The following CLN8 variants were observed in gnomAD, a reference collection of about 807,000 sequenced individuals.
The protein encoded by CLN8 is CLN8 transmembrane ER and ERGIC protein.
Under a neutral mutation model 15.7 loss-of-function variants are expected in CLN8, and 14 were observed. The observed-to-expected ratio is 0.89, with a 90% CI of 0.59 to 1.39. CLN8 has a LOEUF of 1.39. Among genes scored for constraint, CLN8 ranks in the 40% most tolerant of loss-of-function variants. The pLI is 0.00. For missense variants in CLN8, 415 were observed against 364.0 expected (o/e 1.14, Z -1.14); for synonymous variants, 188 against 151.0 (o/e 1.25, Z -1.80).
rs1801671671 is a variant in CLN8 at position 1,780,277 on chromosome 8, A to C, written c.571A>C (p.Lys191Gln). The C allele has an allele frequency of 6.2e-7, 1 of 1,614,222 alleles. No homozygotes were observed. Among genetic ancestry groups the C allele is most frequent in the Non-Finnish European group, 8.5e-7 (1 of 1,180,042 alleles). Residue 191 changes from lysine (K) to glutamine (Q), a missense_variant, in exon 3 of 3, where the codon AAG (lysine) becomes CAG (glutamine). Coordinates refer to ENST00000331222, the MANE Select transcript of CLN8 (RefSeq NM_018941.4). ...GGGCTGGTCCGAGTCTCTGTTTTGG[A>C]AGCTCAACCAGTGGCTGATGATTCA... ...KAGWSESLFW[K>Q]LNQWLMIHMF... is the part of the protein sequence containing the mutation.
In CLN8 at chr8:1,780,800, C is replaced by G; in HGVS notation, c.*233C>G. The G allele has an allele frequency of 1.7e-6, 1 of 582,976 alleles. No homozygotes were observed. The allele number at this position is 582,976 out of a possible 1,614,324, so 36.1% of individuals were successfully genotyped here. ...CTCTGTCAGTTTAGCCGCGCCGGAC[C>G]GTGTCAAGCATCTAGGAGAGGAGTC... On this transcript the variant is annotated 3_prime_UTR_variant, in exon 3 of 3. Coordinates refer to ENST00000331222, the MANE Select transcript of CLN8 (RefSeq NM_018941.4).
intron 1 of CLN8, among the ~76,000 whole-genome samples, chr8:1,766,581 C>G (rs1484605048): frequency 6.6e-6 from 1 of 151,818 alleles, no homozygotes; most frequent in Non-Finnish European, 1.5e-5. Flanking sequence ...TTAGTAGAGA[C>G]AAGGTTTCAC....
In CLN8 at chr8:1,771,417, C is replaced by A. The variant is rs568852954; in HGVS notation, c.363C>A (p.Val121=). 8.9e-5 allele frequency: 144 copies of A among 1,614,186 alleles called. 2 individuals carry two copies. The South Asian group carries it at 1.5e-3, about 16-fold the overall frequency. Residue 121 remains valine (V), a synonymous_variant, in exon 2 of 3, where the codon GTC becomes GTA. Coordinates refer to ENST00000331222, the MANE Select transcript of CLN8 (RefSeq NM_018941.4). ...TCTTTTGCTTTGAAAATGTTGCAGT[C>A]CACCTGTCCAACTTGATCTTCCGGA... ...TGFFCFENVA[V]HLSNLIFRTF...
rs1450867136 is a variant in CLN8 at position 1,771,288 on chromosome 8, A to G, written c.234A>G (p.Thr78=). The G allele has an allele frequency of 6.2e-7, 1 of 1,614,194 alleles. No individual in the cohort carries two copies. Among genetic ancestry groups the G allele is most frequent in the Admixed American group, 1.7e-5 (1 of 60,030 alleles). ...GTGCAGTCTTTGGTGTTCAGAGCAC[A>G]GCCGCAGGCCTGTGGGCTCTGCTGG... ...ATRAVFGVQS[T]AAGLWALLGD... The change falls in exon 2 of 3, where the codon ACA becomes ACG. Residue 78 remains threonine (T), a synonymous_variant. Coordinates refer to ENST00000331222, the MANE Select transcript of CLN8 (RefSeq NM_018941.4).
At chr8:1,777,997 G>A (rs775688825) in intron 2 of CLN8, among the ~76,000 whole-genome samples, 1 of 152,242 alleles carries the variant, frequency 6.6e-6, no homozygotes, top group Non-Finnish European at 1.5e-5. Context: ...CTGAGCCCTG[G>A]GCACTGCTGT....
chr8:1,770,166 C>T (rs1056040114), intron 1 of CLN8, among the ~76,000 whole-genome samples: 1 of 152,320 alleles, frequency 6.6e-6, no homozygotes, highest in South Asian at 2.1e-4. Context: ...GTCTCCCCTA[C>T]TCTGGGAGGG....
intron 2 of CLN8, among the ~76,000 whole-genome samples, chr8:1,775,770 C>T (rs1022399492): frequency 6.6e-6 from 1 of 152,160 alleles, no homozygotes; most frequent in African/African-American, 2.4e-5. Context: ...TTCTGATGTT[C>T]AGAACATCGA....
At position 1,771,573 on chromosome 8, in the gene CLN8, C is replaced by G; in HGVS notation, c.519C>G (p.Thr173=). ...TCCTGGAGATGAGCACGCCCTTTAC[C>G]TGCGTTTCCTGGATGCTCTTAAAGG... The part of the protein sequence containing the change: ...TLLLEMSTPF[T]CVSWMLLKAG... Residue 173 remains threonine, a synonymous_variant, in exon 2 of 3, where the codon ACC becomes ACG. Coordinates refer to ENST00000331222, the MANE Select transcript of CLN8 (RefSeq NM_018941.4). 6.2e-7 allele frequency: 1 copy of G among 1,614,034 alleles called. No individual in the cohort carries two copies. The highest frequency in any genetic ancestry group is 8.5e-7 in the Non-Finnish European group (1 of 1,179,998).
rs767322900 is a variant in CLN8, at chr8:1,780,490, G to A, written c.784G>A (p.Asp262Asn). 2 of 1,614,118 alleles carry A rather than the reference G, an allele frequency of 1.2e-6. No homozygotes were observed. Among genetic ancestry groups the A allele is most frequent in the African/African-American group, 2.7e-5 (2 of 74,940 alleles). Residue 262 changes from aspartate to asparagine, a missense_variant, in exon 3 of 3, where the codon GAC becomes AAC. Asp to Asn is a conservative substitution (Grantham distance 23). Transcript: ENST00000331222. ...KKTQQLLNPVDWNFAQPEAKS... is the reference protein window; with the variant it reads ...KKTQQLLNPVNWNFAQPEAKS... ...GACTCAGCAGCTTCTCAATCCGGTG[G>A]ACTGGAACTTCGCACAGCCAGAAGC... is the stretch of plus-strand genomic sequence containing the variant.
intron 1 of CLN8, among the ~76,000 whole-genome samples, chr8:1,768,012 G>A (rs10102821): frequency 0.22 from 32,135 of 148,878 alleles, 4,178 homozygotes; most frequent in Middle Eastern, 0.39. Flanking sequence ...GTGTGATCTC[G>A]GCTCACTGCA....
chr8:1,776,668 C>T (rs1399293907), intron 2 of CLN8, among the ~76,000 whole-genome samples: 2 of 152,238 alleles, frequency 1.3e-5, no homozygotes, highest in African/African-American at 4.8e-5. Flanking sequence ...TTGATAAATG[C>T]TTGAGTGTCT....
Position 1,783,340 on chromosome 8 carries a change from C to A in CLN8, c.*2773C>A, listed in dbSNP as rs999248881. On this transcript the variant is annotated 3_prime_UTR_variant, in exon 3 of 3. Transcript: ENST00000331222. ...GAGGTGAGTTCACATAACAGGAATT[C>A]TGGAACTGCTTGAAAACTAGGACGA... is the stretch of plus-strand genomic sequence containing the variant. The A allele has an allele frequency of 2.0e-5, 3 of 152,260 alleles. No individual in the cohort carries two copies. The highest frequency in any genetic ancestry group is 4.8e-5 in the African/African-American group (2 of 41,450). 9.4% of individuals were successfully genotyped at this position (152,260 alleles called of 1,614,324 possible). A position where few individuals can be genotyped will look rare whatever the true frequency, so the allele number is the denominator to read the frequency against.
intron 1 of CLN8, among the ~76,000 whole-genome samples, chr8:1,765,731 TG>T (rs1275132572): frequency 6.6e-6 from 1 of 152,216 alleles, no homozygotes; most frequent in African/African-American, 2.4e-5. Flanking sequence ...GAATATCCTG[TG>T]TGCATTGAAA....
At chr8:1,755,265 G>C (rs116114220), upstream of CLN8, among the ~76,000 whole-genome samples, 1 of 152,322 alleles carries the variant, frequency 6.6e-6, no homozygotes, top group African/African-American at 2.4e-5. Context: ...CTAACAGAGA[G>C]GTTAGTCTAT....
chr8:1,763,806 A>C lies in CLN8; in HGVS notation c.-203A>C, dbSNP rs1441872702. The C allele has an allele frequency of 1.3e-5, 2 of 150,366 alleles. No individual in the cohort carries two copies. The highest frequency in any genetic ancestry group is 3.0e-5 in the Non-Finnish European group (2 of 67,566). The allele number at this position is 150,366 out of a possible 1,614,324, so 9.3% of individuals were successfully genotyped here. A position where few individuals can be genotyped will look rare whatever the true frequency, so the allele number is the denominator to read the frequency against. ...GGCCGGCCAGTCGTGACTGGGCGGC[A>C]ATGAGGTCAGTGACTGCCGGGAGTC... On this transcript the variant is annotated 5_prime_UTR_variant, in exon 1 of 3. Transcript: ENST00000331222.
At position 1,782,788 on chromosome 8, in the gene CLN8, TTCA is replaced by T. The variant is rs1324665309; in HGVS notation, c.*2226_*2228del. 1 of 152,242 alleles carries T rather than the reference TTCA, an allele frequency of 6.6e-6. No individual in the cohort carries two copies. Among genetic ancestry groups the T allele is most frequent in the Non-Finnish European group, 1.5e-5 (1 of 68,044 alleles). 9.4% of individuals were successfully genotyped at this position (152,242 alleles called of 1,614,324 possible). A position where few individuals can be genotyped will look rare whatever the true frequency, so the allele number is the denominator to read the frequency against. On this transcript the variant is annotated 3_prime_UTR_variant, in exon 3 of 3. Coordinates refer to ENST00000331222, the MANE Select transcript of CLN8 (RefSeq NM_018941.4). Reference sequence around the variant, plus strand: ...TGGAGATAGAAAATATAATGATAAATTCATCATGTGTTCAGAATTCGATTTGGA... The same window carrying T: ...TGGAGATAGAAAATATAATGATAAATTCATGTGTTCAGAATTCGATTTGGA...
intron 2 of CLN8, among the ~76,000 whole-genome samples, chr8:1,775,135 T>A (rs1397993424): frequency 1.3e-5 from 2 of 152,102 alleles, no homozygotes; most frequent in African/African-American, 2.4e-5. Context: ...AAATTTAAAA[T>A]AATATAACAA....
chr8:1,771,639 A>G, intron 2 of CLN8, 42 bp downstream of exon 2: 1 of 1,569,094 alleles, frequency 6.4e-7, no homozygotes, highest in East Asian at 2.3e-5. Context: ...TGCCTCACGC[A>G]TTTAATCACT....
At position 1,772,039 on chromosome 8, in the gene CLN8, G is replaced by C. The variant is rs981271675; in HGVS notation, c.543+442G>C. On this transcript the variant is annotated intron_variant, in intron 2 of 2. Coordinates refer to ENST00000331222, the MANE Select transcript of CLN8 (RefSeq NM_018941.4). ...CAACCTCCGCCTCCTGGGTTCAAGTGATTCTCCTGCGTCAGCCTCCCTAGT... is the reference window on the plus strand; with the variant it reads ...CAACCTCCGCCTCCTGGGTTCAAGTCATTCTCCTGCGTCAGCCTCCCTAGT... Among the ~76,000 whole-genome samples the C allele has an allele frequency of 1.1e-4, 16 of 151,656 alleles. 1 individual carries two copies. Among genetic ancestry groups the C allele is most frequent in the Admixed American group, 8.5e-4 (13 of 15,232 alleles).
Sources: gnomAD v4.1 joint callset for allele counts (sites outside exome capture counted in the v4.1 genomes callset) on GRCh38, gnomAD v4.1.1 for gene constraint, MANE v1.5 for transcripts, NCBI Gene and HGNC (gene_info 2026-07-23, HGNC 2026-07-21) for gene names.